The following UGT1A8 variants were observed in gnomAD, a reference collection of about 807,000 sequenced individuals.
UGT1A8 encodes UDP-glucuronosyltransferase 1A8.
Under a neutral mutation model 45.3 loss-of-function variants are expected in UGT1A8, and 39 were observed. The ratio of observed to expected loss-of-function variants is 0.86; its 90% CI spans 0.67 to 1.12. The LOEUF is 1.12. Ranked by LOEUF, UGT1A8 falls within the 50% of genes most tolerant of loss-of-function variation. The probability of loss-of-function intolerance (pLI) is 0.00; values close to 1 mark genes in which losing one functional copy is unlikely to be tolerated. For missense variants in UGT1A8, 719 were observed against 664.9 expected (o/e 1.08, Z -0.90); for synonymous variants, 275 against 249.2 (o/e 1.10, Z -0.97).
intron 1 of UGT1A8, among the ~76,000 whole-genome samples, chr2:233,666,414 C>T (rs1319809891): frequency 6.6e-6 from 1 of 152,150 alleles, no homozygotes. Flanking sequence ...GATTAAACCT[C>T]AGTTTTAGTT....
chr2:233,702,722 A>G (rs2075703020), intron 1 of UGT1A8, among the ~76,000 whole-genome samples: 1 of 152,198 alleles, frequency 6.6e-6, no homozygotes, highest in Non-Finnish European at 1.5e-5. Flanking sequence ...ATTGAAATGA[A>G]CATGGTTTTC....
chr2:233,748,176 TG>T, intron 1 of UGT1A8: 1 of 1,583,506 alleles, frequency 6.3e-7, no homozygotes, highest in East Asian at 2.2e-5. Flanking sequence ...CTTATCTTTC[TG>T]GTGCTTTTAT....
intron 1 of UGT1A8, among the ~76,000 whole-genome samples, chr2:233,643,769 C>T (rs185829542): frequency 7.9e-5 from 12 of 152,212 alleles, no homozygotes; most frequent in South Asian, 2.1e-4. Flanking sequence ...AGGCGATGAA[C>T]GCTGGCAGGA....
chr2:233,768,508 A>G (rs1699630858), intron 4 of UGT1A8, 69 bp downstream of exon 4: 1 of 1,557,694 alleles, frequency 6.4e-7, no homozygotes, highest in South Asian at 1.2e-5. Flanking sequence ...AAATATGAAA[A>G]CATTTACGTA....
rs755405056 is a variant in UGT1A8 at position 233,661,627 on chromosome 2, C to CTTTCTTTCT, written c.855+43068_855+43076dup. ...CTGCAGTGAAGACTTACTGAATTTT[C>CTTTCTTTCT]TTTCTTTCTTTCTTTCTTTCTTTCT... On this transcript the variant is annotated intron_variant, in intron 1 of 4. Coordinates refer to ENST00000373450, the MANE Select transcript of UGT1A8 (RefSeq NM_019076.5). 8.6e-3 allele frequency among the ~76,000 whole-genome samples: 909 copies of CTTTCTTTCT among 106,190 alleles called. 14 individuals carry two copies. Among genetic ancestry groups the CTTTCTTTCT allele is most frequent in the South Asian group, 0.025 (72 of 2,902 alleles). 69.7% of individuals were successfully genotyped at this position (106,190 alleles called of 152,430 possible).
At chr2:233,682,930 T>C in intron 1 of UGT1A8, 1 of 1,457,526 alleles carries the variant, frequency 6.9e-7, no homozygotes. Context: ...TTTGTACCAA[T>C]TCACTTAATT....
intron 1 of UGT1A8, among the ~76,000 whole-genome samples, chr2:233,638,430 T>C (rs1282151268): frequency 1.3e-5 from 2 of 152,226 alleles, no homozygotes; most frequent in Non-Finnish European, 2.9e-5. Flanking sequence ...AGATGTACAA[T>C]ATACAATACC....
intron 1 of UGT1A8, among the ~76,000 whole-genome samples, chr2:233,762,846 A>G (rs1269023335): frequency 6.6e-6 from 1 of 152,164 alleles, no homozygotes; most frequent in Non-Finnish European, 1.5e-5. Flanking sequence ...ATAGGCAGTC[A>G]TTTGCTGATA....
At chr2:233,725,311 C>A (rs57258852) in intron 1 of UGT1A8, among the ~76,000 whole-genome samples, 1 of 47,288 alleles carries the variant, frequency 2.1e-5, no homozygotes, top group Non-Finnish European at 3.9e-5. Flanking sequence ...GAGGCAGAGG[C>A]AGAGGCGCCT....
intron 1 of UGT1A8, among the ~76,000 whole-genome samples, chr2:233,619,251 A>G (rs909046864): frequency 6.6e-6 from 1 of 152,168 alleles, no homozygotes; most frequent in Non-Finnish European, 1.5e-5. Flanking sequence ...TCCTTTATAC[A>G]CCAATACAGA....
chr2:233,689,982 A>T (rs957582254), intron 1 of UGT1A8: 5 of 453,314 alleles, frequency 1.1e-5, no homozygotes, highest in Non-Finnish European at 2.2e-5. Context: ...ACAGGCCCCT[A>T]AAAGGGATTC....
At chr2:233,759,674 A>G (rs1462532515) in intron 1 of UGT1A8, among the ~76,000 whole-genome samples, 1 of 125,012 alleles carries the variant, frequency 8.0e-6, no homozygotes, top group Admixed American at 1.1e-4. Flanking sequence ...TCATGTGTTT[A>G]AATTGTGAGT....
intron 1 of UGT1A8, among the ~76,000 whole-genome samples, chr2:233,683,732 C>A (rs2074647819): frequency 6.6e-6 from 1 of 152,060 alleles, no homozygotes; most frequent in Non-Finnish European, 1.5e-5. Flanking sequence ...GCAATTTTCC[C>A]ATTTCTCTTT....
chr2:233,620,467 A>G (rs968841314), intron 1 of UGT1A8, among the ~76,000 whole-genome samples: 11 of 148,026 alleles, frequency 7.4e-5, no homozygotes, highest in African/African-American at 2.7e-4. Flanking sequence ...GCCTTTAGAG[A>G]TATAAAAAAG....
intron 1 of UGT1A8, among the ~76,000 whole-genome samples, chr2:233,679,982 T>C (rs185840160): frequency 6.6e-6 from 1 of 152,330 alleles, no homozygotes; most frequent in East Asian, 1.9e-4. Context: ...AGCAATGTCT[T>C]CATGAATCTT....
chr2:233,750,987 C>T lies in UGT1A8; in HGVS notation c.856-16047C>T, dbSNP rs140441181. 4.4e-3 allele frequency among the ~76,000 whole-genome samples: 664 copies of T among 151,836 alleles called. 16 individuals are homozygous for T. Among genetic ancestry groups the T allele is most frequent in the African/African-American group, 0.015 (615 of 41,178 alleles). On this transcript the variant is annotated intron_variant, in intron 1 of 4. Transcript: ENST00000373450. ...ACTGCCTAGTGGAGTTGTGAGAAGG[C>T]GGCCACCATCCTCCAGAATCCCAAA...
rs767733403 is a variant in UGT1A8 at position 233,661,708 on chromosome 2, CT to C, written c.855+43160del. The stretch of plus-strand genomic sequence containing the variant: ...TTAAACAAAGGTCCTTATCTGGATT[CT>C]TTTTTTTTTTTTTAATGATCGCCAA... On this transcript the variant is annotated intron_variant, in intron 1 of 4. Coordinates refer to ENST00000373450, the MANE Select transcript of UGT1A8 (RefSeq NM_019076.5). 2.8e-3 allele frequency among the ~76,000 whole-genome samples: 251 copies of C among 90,782 alleles called. 1 individual carries two copies. Among genetic ancestry groups the C allele is most frequent in the Non-Finnish European group, 3.3e-3 (141 of 43,164 alleles). 59.6% of individuals were successfully genotyped at this position (90,782 alleles called of 152,430 possible). A position where few individuals can be genotyped will look rare whatever the true frequency, so the allele number is the denominator to read the frequency against.
intron 1 of UGT1A8, among the ~76,000 whole-genome samples, chr2:233,643,005 C>A (rs994161644): frequency 6.6e-6 from 1 of 152,198 alleles, no homozygotes; most frequent in Non-Finnish European, 1.5e-5. Flanking sequence ...AGACCTGAAA[C>A]CAGCACAGCT....
intron 1 of UGT1A8, among the ~76,000 whole-genome samples, chr2:233,703,870 A>T (rs4439950): frequency 1 from 151,412 of 152,146 alleles, 75,342 homozygotes; most frequent in East Asian, 1. Context: ...TGTAGATGGA[A>T]TTATGTCTAC....
Sources: gnomAD v4.1 joint callset for allele counts (sites outside exome capture counted in the v4.1 genomes callset) on GRCh38, gnomAD v4.1.1 for gene constraint, MANE v1.5 for transcripts, NCBI Gene and HGNC (gene_info 2026-07-23, HGNC 2026-07-21) for gene names.